The following DNAJB6 variants were observed in gnomAD, a reference collection of about 807,000 sequenced individuals.
DNAJB6 encodes the protein dnaJ homolog subfamily B member 6.
DNAJB6 carries 16 observed loss-of-function variants against 42.7 expected under a neutral mutation model. That is an observed-to-expected ratio of 0.37 (90% confidence interval 0.25 to 0.57). DNAJB6 has a LOEUF of 0.57. Ranked by LOEUF, DNAJB6 falls within the 20% of genes least tolerant of loss-of-function variation. The pLI, the probability that DNAJB6 is intolerant of heterozygous loss-of-function variation, is 0.74. For missense variants in DNAJB6, 347 were observed against 416.8 expected (o/e 0.83, Z 1.46); for synonymous variants, 170 against 163.5 (o/e 1.04, Z -0.30).
intron 1 of DNAJB6, among the ~76,000 whole-genome samples, chr7:157,342,275 C>G (rs1188125074): frequency 6.6e-6 from 1 of 151,078 alleles, no homozygotes; most frequent in Non-Finnish European, 1.5e-5. Context: ...TCAAGTGATT[C>G]TCCTACCTCA....
rs1328911034 is a variant in DNAJB6, at chr7:157,369,989, CAGGCCCCTTCTTAACATTATTATTAAAG to C, written c.346+2513_346+2540del. 6.9e-4 allele frequency among the ~76,000 whole-genome samples: 101 copies of C among 145,750 alleles called. 2 individuals carry two copies. The highest frequency in any genetic ancestry group is 1.2e-3 in the Non-Finnish European group (81 of 66,984). On this transcript the variant is annotated intron_variant, in intron 5 of 9. Coordinates refer to ENST00000262177, the MANE Select transcript of DNAJB6 (RefSeq NM_058246.4). ...GCCCTTTCTTAACATTATTATTAAA[CAGGCCCCTTCTTAACATTATTATTAAAG>C]AGGCCCTTTCTTAACATTATTATTA...
At chr7:157,361,831 C>T (rs1584899863) in intron 2 of DNAJB6, among the ~76,000 whole-genome samples, 1 of 152,118 alleles carries the variant, frequency 6.6e-6, no homozygotes, top group African/African-American at 2.4e-5. Flanking sequence ...TTCAGTGGCA[C>T]GATGTTGGCT....
rs886044456 is a variant in DNAJB6 at position 157,409,971 on chromosome 7, G to A, written c.868G>A (p.Gly290Arg). Residue 290 changes from glycine (G) to arginine (R), a missense_variant, in exon 9 of 10, where the codon GGG becomes AGG. Gly to Arg is a moderately radical substitution (Grantham distance 125). This residue lies in a region of DNAJB6 where 264 missense variants were observed against 288.0 expected (regional missense o/e 0.92). Transcript: ENST00000262177. ...CGAGCAGGACCGACCTCGGGCACCC[G>A]GGCCCTGGGACCCCCTCGCGTCCGC... Reference protein sequence around the residue: ...EGEQDRPRAPGPWDPLASAAG... With the variant: ...EGEQDRPRAPRPWDPLASAAG... 6.5e-7 allele frequency: 1 copy of A among 1,534,974 alleles called. No homozygotes were observed. The highest frequency in any genetic ancestry group is 2.0e-5 in the Admixed American group (1 of 51,052).
intron 8 of DNAJB6, among the ~76,000 whole-genome samples, chr7:157,400,227 C>T (rs1022331751): frequency 2.7e-5 from 4 of 149,878 alleles, no homozygotes; most frequent in Admixed American, 2.6e-4. Context: ...CCTGGGTCCC[C>T]GCGCCTTTGT....
intron 8 of DNAJB6, among the ~76,000 whole-genome samples, chr7:157,400,853 G>C (rs1036620262): frequency 2.6e-5 from 4 of 152,236 alleles, no homozygotes; most frequent in African/African-American, 9.6e-5. Flanking sequence ...CAAAGGTGTG[G>C]AAGGCAGGTG....
rs1470280634 is a variant in DNAJB6 at position 157,343,651 on chromosome 7, G to C, written c.-27+6507G>C. ...TTTAGTAGAGACGGGGTTTCACCACGTTGGCCATGCTGTTCTCAAACTCCT... is the reference window on the plus strand; with the variant it reads ...TTTAGTAGAGACGGGGTTTCACCACCTTGGCCATGCTGTTCTCAAACTCCT... On this transcript the variant is annotated intron_variant, in intron 1 of 9. Coordinates refer to ENST00000262177, the MANE Select transcript of DNAJB6 (RefSeq NM_058246.4). 2.0e-5 allele frequency among the ~76,000 whole-genome samples: 3 copies of C among 152,068 alleles called. No homozygotes were observed. In the East Asian group the frequency reaches 5.8e-4, roughly 29 times the overall value.
rs3802084 is a variant in DNAJB6, at chr7:157,384,673, C to G, written c.479-194C>G. 0.54 allele frequency among the ~76,000 whole-genome samples: 82,547 copies of G among 151,986 alleles called. 22,841 individuals carry two copies. The highest frequency in any genetic ancestry group is 0.75 in the East Asian group (3,899 of 5,170). ...CTCGCGTTGCCCTAGAGTCCCCACT[C>G]AGGGATCTGAGAGACAGTCTTTCCC... On this transcript the variant is annotated intron_variant, in intron 6 of 9. Transcript: ENST00000262177.
chr7:157,343,226 T>A (rs6944079), intron 1 of DNAJB6, among the ~76,000 whole-genome samples: 3,317 of 151,922 alleles, frequency 0.022, 102 homozygotes, highest in African/African-American at 0.071. Flanking sequence ...AGTGGCACTA[T>A]CTTGGCTCAC....
At chr7:157,407,443 T>C (rs998509325) in intron 8 of DNAJB6, among the ~76,000 whole-genome samples, 2 of 152,222 alleles carry the variant, frequency 1.3e-5, no homozygotes, top group Non-Finnish European at 2.9e-5. Flanking sequence ...TGTTCTACTT[T>C]AGTTGGCAAA....
rs116633072 is a variant in DNAJB6 at position 157,354,519 on chromosome 7, C to T, written c.-26-4028C>T. Among the ~76,000 whole-genome samples the T allele has an allele frequency of 4.2e-3, 643 of 151,924 alleles. 5 individuals are homozygous for T. The highest frequency in any genetic ancestry group is 0.015 in the African/African-American group (613 of 41,412). ...TTTTGGAGACAGGTCTCGCTCTCACCCCAAGCTGGAGTGCTGTGGCACGCT... is the reference window on the plus strand; with the variant it reads ...TTTTGGAGACAGGTCTCGCTCTCACTCCAAGCTGGAGTGCTGTGGCACGCT... On this transcript the variant is annotated intron_variant, in intron 1 of 9. Transcript: ENST00000262177.
At chr7:157,395,341 CATT>C (rs1388904112) in intron 8 of DNAJB6, among the ~76,000 whole-genome samples, 8 of 152,206 alleles carry the variant, frequency 5.3e-5, no homozygotes, top group Admixed American at 3.9e-4. Flanking sequence ...TGACTTTTAA[CATT>C]AACATATCTA....
intron 3 of DNAJB6, among the ~76,000 whole-genome samples, chr7:157,365,735 G>C (rs536901096): frequency 6.6e-6 from 1 of 152,292 alleles, no homozygotes; most frequent in African/African-American, 2.4e-5. Context: ...TGCAATCTGG[G>C]CTCACTGCAA....
Position 157,338,957 on chromosome 7 carries a change from G to A in DNAJB6, c.-27+1813G>A, listed in dbSNP as rs144367401. Among the ~76,000 whole-genome samples, 39 of 152,292 alleles carry A rather than the reference G, an allele frequency of 2.6e-4. 1 individual carries two copies. In the Middle Eastern group the frequency reaches 0.01, roughly 40 times the overall value. On this transcript the variant is annotated intron_variant, in intron 1 of 9. Transcript: ENST00000262177. ...TCTTAAAGAATTTGAGATGAGTTCAGCACTCTCTTCAAAACAGTGTTTTAA... is the reference window on the plus strand; with the variant it reads ...TCTTAAAGAATTTGAGATGAGTTCAACACTCTCTTCAAAACAGTGTTTTAA...
intron 8 of DNAJB6, among the ~76,000 whole-genome samples, chr7:157,409,264 G>A (rs938321237): frequency 4.6e-5 from 7 of 152,200 alleles, no homozygotes; most frequent in Admixed American, 1.3e-4. Flanking sequence ...GGCCAGAGCT[G>A]GAGCTGCACT....
intron 8 of DNAJB6, among the ~76,000 whole-genome samples, chr7:157,396,072 T>C (rs1390299058): frequency 6.6e-6 from 1 of 151,852 alleles, no homozygotes; most frequent in Non-Finnish European, 1.5e-5. Context: ...CTCAGCCTCC[T>C]GAATAGCTAG....
intron 1 of DNAJB6, among the ~76,000 whole-genome samples, chr7:157,343,870 CG>C (rs1334969262): frequency 6.6e-6 from 1 of 151,970 alleles, no homozygotes; most frequent in South Asian, 2.1e-4. Context: ...AGAGATTTTT[CG>C]TTTTTTTAAA....
intron 8 of DNAJB6, among the ~76,000 whole-genome samples, chr7:157,409,392 C>T (rs1387178387): frequency 1.3e-5 from 2 of 152,142 alleles, no homozygotes; most frequent in Non-Finnish European, 2.9e-5. Context: ...TGTATGGACT[C>T]AGGAGGAAAT....
chr7:157,414,012 G>C (rs1201403439), intron 9 of DNAJB6: 1 of 152,116 alleles, frequency 6.6e-6, no homozygotes, highest in Non-Finnish European at 1.5e-5. Context: ...GGGAGCCACC[G>C]CGCCCGGCAA....
chr7:157,377,789 A>G (rs1488939453), intron 5 of DNAJB6, among the ~76,000 whole-genome samples: 2 of 152,194 alleles, frequency 1.3e-5, no homozygotes, highest in Non-Finnish European at 2.9e-5. Flanking sequence ...CTGAACATGA[A>G]ATCAACCACA....
Sources: allele counts gnomAD v4.1 joint callset (sites outside exome capture counted in the v4.1 genomes callset), GRCh38; gene constraint gnomAD v4.1.1; regional missense constraint gnomAD v4.1.1; transcripts MANE v1.5; gene names NCBI Gene and HGNC (gene_info 2026-07-23, HGNC 2026-07-21).